The following ABCC3 variants were observed in gnomAD, a reference collection of about 807,000 sequenced individuals.
ABCC3 encodes the protein ATP binding cassette subfamily C member 3, also known as ATP-binding cassette sub-family C member 3.
A neutral mutation model predicts 165.3 loss-of-function variants in ABCC3; 121 were observed. That is an observed-to-expected ratio of 0.73 (90% CI 0.63 to 0.85). ABCC3 has a LOEUF of 0.85. Ranked by LOEUF, ABCC3 falls within the 40% of genes least tolerant of loss-of-function variation. The probability of loss-of-function intolerance (pLI) is 0.00; values close to 1 mark genes in which losing one functional copy is unlikely to be tolerated. For synonymous variants in ABCC3, 733 were observed against 810.1 expected, an observed-to-expected ratio of 0.90 and a Z score of 1.62; for missense variants, 1,869 against 1,964.1, an observed-to-expected ratio of 0.95 and a Z score of 0.92.
chr17:50,654,656 G>C (rs1212423332), intron 1 of ABCC3, among the ~76,000 whole-genome samples: 1 of 152,186 alleles, frequency 6.6e-6, no homozygotes, highest in Non-Finnish European at 1.5e-5. Flanking sequence ...AGGTGGGCCG[G>C]TGGATGGTCA....
At chr17:50,658,335 G>A in intron 5 of ABCC3, 100 bp from the exon 6 acceptor site, 5 of 1,583,582 alleles carry the variant, frequency 3.2e-6, no homozygotes, top group Non-Finnish European at 4.3e-6. Flanking sequence ...CTGTAAACTG[G>A]GGCTTGGAGC....
intron 1 of ABCC3, among the ~76,000 whole-genome samples, chr17:50,651,654 G>A (rs1255103441): frequency 6.6e-6 from 1 of 152,120 alleles, no homozygotes; most frequent in Non-Finnish European, 1.5e-5. Flanking sequence ...GAGCCCAGGA[G>A]GCAGAGGTTG....
Position 50,675,415 on chromosome 17 carries a change from A to G in ABCC3, c.2653A>G (p.Asn885Asp), listed in dbSNP as rs1967777527. Residue 885 changes from asparagine (N) to aspartate (D), a missense_variant, in exon 20 of 31, where the codon AAC becomes GAC. Transcript: ENST00000285238. ...EALLIEDTLS[N>D]HTDLTDNDPV... ...ACTGCTGATTGAAGACACACTCAGC[A>G]ACCACACGGATCTGACAGACAATGA... 6.2e-7 allele frequency: 1 copy of G among 1,613,980 alleles called. No individual in the cohort carries two copies. The highest frequency in any genetic ancestry group is 1.7e-5 in the Admixed American group (1 of 59,998).
chr17:50,676,888 G>T (rs142379808), intron 23 of ABCC3, among the ~76,000 whole-genome samples: 10 of 4,336 alleles, frequency 2.3e-3, no homozygotes, highest in East Asian at 0.01. Context: ...TTTTTTTTTG[G>T]GGGGGGGGGG....
chr17:50,682,713 T>A (rs1967949716), intron 26 of ABCC3, among the ~76,000 whole-genome samples: 2 of 152,202 alleles, frequency 1.3e-5, no homozygotes, highest in African/African-American at 4.8e-5. Context: ...CACTCATCAC[T>A]TCTTGCGTTG....
chr17:50,662,637 C>CAA (rs60389534), intron 8 of ABCC3, among the ~76,000 whole-genome samples: 13,764 of 74,496 alleles, frequency 0.18, 1,149 homozygotes, highest in East Asian at 0.29. Context: ...GACCCTGTCT[C>CAA]AAAAAAAAAA....
intron 11 of ABCC3, 142 bp from the exon 12 acceptor site, chr17:50,667,412 G>A: frequency 2.6e-6 from 2 of 765,114 alleles, no homozygotes; most frequent in South Asian, 1.7e-5. Context: ...CACAGCACAG[G>A]CCCAGCAAGG....
intron 1 of ABCC3, among the ~76,000 whole-genome samples, chr17:50,640,226 G>A (rs74579514): frequency 0.013 from 2,049 of 152,300 alleles, 51 homozygotes; most frequent in African/African-American, 0.047. Flanking sequence ...GGTGATCTGG[G>A]TGCAAGTGCT....
intron 26 of ABCC3, among the ~76,000 whole-genome samples, chr17:50,680,424 C>A (rs2146638666): frequency 6.6e-6 from 1 of 152,238 alleles, no homozygotes; most frequent in Non-Finnish European, 1.5e-5. Flanking sequence ...CCACCGCCCC[C>A]TCTCATGGTC....
At position 50,655,817 on chromosome 17, in the gene ABCC3, T is replaced by C. The variant is rs1967227013; in HGVS notation, c.46-15T>C. The C allele has an allele frequency of 1.2e-6, 2 of 1,613,268 alleles. No individual in the cohort carries two copies. Among genetic ancestry groups the C allele is most frequent in the Non-Finnish European group, 1.7e-6 (2 of 1,179,496 alleles). On this transcript the variant is annotated splice_polypyrimidine_tract_variant and intron_variant, in intron 1 of 30. Coordinates refer to ENST00000285238, the MANE Select transcript of ABCC3 (RefSeq NM_003786.4). ...TGGGGCTGCCACAGCACTAAACTGT[T>C]CTCTGTGTCCCCAGGACTCCAACCT...
Position 50,673,449 on chromosome 17 carries a change from G to A in ABCC3, c.2410-20G>A. ...GTGCTGGAGGGTGGTAGGGGTGAGA[G>A]CCTGCTGCCTTCTCCCCAGACGCGA... On this transcript the variant is annotated intron_variant, in intron 18 of 30. Coordinates refer to ENST00000285238, the MANE Select transcript of ABCC3 (RefSeq NM_003786.4). 6.2e-7 allele frequency: 1 copy of A among 1,610,732 alleles called. No homozygotes were observed. Among genetic ancestry groups the A allele is most frequent in the Non-Finnish European group, 8.5e-7 (1 of 1,177,840 alleles).
chr17:50,655,424 A>AAAAAAAAAAAAAAAAAAAG (rs1967215360), intron 1 of ABCC3, among the ~76,000 whole-genome samples: 1 of 147,414 alleles, frequency 6.8e-6, no homozygotes, highest in Non-Finnish European at 1.5e-5. Context: ...AAAAAAAACA[A>AAAAAAAAAAAAAAAAAAAG]AAACAAAAAA....
chr17:50,684,314 G>A (rs562375120), intron 28 of ABCC3, among the ~76,000 whole-genome samples: 1 of 152,262 alleles, frequency 6.6e-6, no homozygotes, highest in East Asian at 1.9e-4. Flanking sequence ...GTCAGGCCCT[G>A]TCCTTTGACC....
Position 50,673,087 on chromosome 17 carries a change from C to A in ABCC3, c.2358C>A (p.Ala786=). Residue 786 remains alanine (A), a synonymous_variant, in exon 18 of 31, where the codon GCC becomes GCA. Coordinates refer to ENST00000285238, the MANE Select transcript of ABCC3 (RefSeq NM_003786.4). ...TGTCCGCGGTGGACTCTCATGTGGCCAAGCACATCTTTGACCACGTCATCG... is the reference window on the plus strand; with the variant it reads ...TGTCCGCGGTGGACTCTCATGTGGCAAAGCACATCTTTGACCACGTCATCG... The part of the protein sequence containing the change: ...DPLSAVDSHV[A]KHIFDHVIGP... The A allele has an allele frequency of 6.2e-7, 1 of 1,614,120 alleles. No homozygotes were observed. The highest frequency in any genetic ancestry group is 1.3e-5 in the African/African-American group (1 of 75,042).
Position 50,659,385 on chromosome 17 carries a change from G to A in ABCC3, c.806+17G>A. The A allele has an allele frequency of 3.1e-6, 5 of 1,599,778 alleles. No individual in the cohort carries two copies. Among genetic ancestry groups the A allele is most frequent in the Non-Finnish European group, 4.3e-6 (5 of 1,169,742 alleles). On this transcript the variant is annotated intron_variant, in intron 7 of 30. Coordinates refer to ENST00000285238, the MANE Select transcript of ABCC3 (RefSeq NM_003786.4). ...GACGGCACGGTGAGGCCCTCCCCTTGCCCCAACACCCAGCCCCTTCGCTTA... is the reference window on the plus strand; with the variant it reads ...GACGGCACGGTGAGGCCCTCCCCTTACCCCAACACCCAGCCCCTTCGCTTA...
At chr17:50,635,381 C>T in intron 1 of ABCC3, 1 of 662,494 alleles carries the variant, frequency 1.5e-6, no homozygotes, top group Non-Finnish European at 2.8e-6. Flanking sequence ...GCATCTGCCT[C>T]AGGTTAGGAC....
chr17:50,677,972 T>C (rs1466119455), intron 24 of ABCC3, 29 bp downstream of exon 24: 12 of 1,614,094 alleles, frequency 7.4e-6, no homozygotes, highest in African/African-American at 1.3e-5. Flanking sequence ...CGCTCCCTGC[T>C]CCTCCAGGAA....
chr17:50,644,275 C>T (rs1171364031), intron 1 of ABCC3, among the ~76,000 whole-genome samples: 11 of 137,198 alleles, frequency 8.0e-5, no homozygotes, highest in African/African-American at 2.2e-4. Flanking sequence ...CACACCACTG[C>T]ACTCCAGCCT....
At chr17:50,655,211 T>A (rs1443000633) in intron 1 of ABCC3, among the ~76,000 whole-genome samples, 1 of 146,890 alleles carries the variant, frequency 6.8e-6, no homozygotes, top group Non-Finnish European at 1.5e-5. Flanking sequence ...ATCGAGACCA[T>A]CCTGGCCAAC....
Sources: gnomAD v4.1 joint callset for allele counts (sites outside exome capture counted in the v4.1 genomes callset) on GRCh38, gnomAD v4.1.1 for gene constraint, MANE v1.5 for transcripts, NCBI Gene and HGNC (gene_info 2026-07-23, HGNC 2026-07-21) for gene names.